ITPR1: variants seen among roughly 807,000 people sequenced by gnomAD.
ITPR1 encodes the protein inositol 1,4,5-trisphosphate-gated calcium channel ITPR1.
A neutral mutation model predicts 318.4 loss-of-function variants in ITPR1; 96 were observed. The observed-to-expected ratio is 0.30, with a 90% CI of 0.26 to 0.36. The LOEUF is 0.36. Among genes scored for constraint, ITPR1 ranks in the 10% least tolerant of loss-of-function variants. ITPR1 has a pLI of 1.00. For missense variants in ITPR1, 2,440 were observed against 3,460.2 expected (o/e 0.71, Z 7.40); for synonymous variants, 1,312 against 1,289.9 (o/e 1.02, Z -0.37).
chr3:4,766,401 T>G (rs904211690), intron 44 of ITPR1, 129 bp from the exon 45 acceptor site: 2 of 693,546 alleles, frequency 2.9e-6, no homozygotes, highest in Non-Finnish European at 4.9e-6. Context: ...GTCCTTAATG[T>G]TGATCTAAAC....
chr3:4,593,791 C>T (rs2090580865), intron 4 of ITPR1, among the ~76,000 whole-genome samples: 1 of 152,074 alleles, frequency 6.6e-6, no homozygotes, highest in Non-Finnish European at 1.5e-5. Context: ...GACATGTTAT[C>T]AAAGACACAC....
At chr3:4,561,702 ATT>A (rs2086692488) in intron 4 of ITPR1, among the ~76,000 whole-genome samples, 1 of 152,140 alleles carries the variant, frequency 6.6e-6, no homozygotes. Context: ...TAATCGTAGC[ATT>A]GGTTTGTAAT....
chr3:4,805,514 A>C (rs1282979075), intron 54 of ITPR1, among the ~76,000 whole-genome samples: 1 of 152,154 alleles, frequency 6.6e-6, no homozygotes, highest in Non-Finnish European at 1.5e-5. Flanking sequence ...ATGGTCCCCA[A>C]AGGAAAATTA....
chr3:4,625,561 A>G (rs1275399895), intron 4 of ITPR1, among the ~76,000 whole-genome samples: 1 of 151,702 alleles, frequency 6.6e-6, no homozygotes, highest in Non-Finnish European at 1.5e-5. Flanking sequence ...TTAATTTTTT[A>G]TTTTTATTTT....
In ITPR1 at chr3:4,846,955, A is replaced by ATACTT. The variant is rs1221886742; in HGVS notation, c.*733_*737dup. The stretch of plus-strand genomic sequence containing the variant: ...AATAAGAGAGCCAAATTAGAGGCTC[A>ATACTT]TACTTTAGCTTGTGAAGAAGATAAT... On this transcript the variant is annotated 3_prime_UTR_variant, in exon 62 of 62. Coordinates refer to ENST00000649015, the MANE Select transcript of ITPR1 (RefSeq NM_001378452.1). 6.5e-5 allele frequency: 10 copies of ATACTT among 152,812 alleles called. No homozygotes were observed. The highest frequency in any genetic ancestry group is 1.7e-4 in the African/African-American group (7 of 41,594). The allele number at this position is 152,812 out of a possible 1,614,324, so 9.5% of individuals were successfully genotyped here.
chr3:4,553,186 G>A (rs1367509211), intron 4 of ITPR1, among the ~76,000 whole-genome samples: 1 of 152,114 alleles, frequency 6.6e-6, no homozygotes, highest in African/African-American at 2.4e-5. Flanking sequence ...TACGGAGAAG[G>A]CATATTAAGC....
chr3:4,784,344 C>T (rs148526792), intron 51 of ITPR1, among the ~76,000 whole-genome samples: 79 of 152,094 alleles, frequency 5.2e-4, no homozygotes, highest in East Asian at 3.1e-3. Flanking sequence ...AAAGCCCAGA[C>T]GTGGGAAGAT....
chr3:4,689,064 T>C (rs1559700074), intron 31 of ITPR1, among the ~76,000 whole-genome samples: 1 of 152,242 alleles, frequency 6.6e-6, no homozygotes, highest in Non-Finnish European at 1.5e-5. Context: ...AAATGTATTG[T>C]AGGTTTTGTA....
At chr3:4,659,614 G>A (rs1303142328) in intron 13 of ITPR1, among the ~76,000 whole-genome samples, 3 of 152,024 alleles carry the variant, frequency 2.0e-5, no homozygotes, top group Admixed American at 6.5e-5. Context: ...AAGCCTGGGA[G>A]GCAGAGGTTG....
intron 39 of ITPR1, among the ~76,000 whole-genome samples, chr3:4,714,329 C>G (rs78554336): frequency 6.6e-6 from 1 of 152,180 alleles, no homozygotes; most frequent in African/African-American, 2.4e-5. Flanking sequence ...GGCCGTTTCC[C>G]TCCTCCCATC....
chr3:4,793,116 T>C (rs2047675307), intron 52 of ITPR1, among the ~76,000 whole-genome samples: 1 of 152,210 alleles, frequency 6.6e-6, no homozygotes, highest in South Asian at 2.1e-4. Context: ...CCTGGATAAA[T>C]ACCTAGTTGA....
chr3:4,497,739 G>A (rs777621361), intron 2 of ITPR1, among the ~76,000 whole-genome samples: 6 of 152,162 alleles, frequency 3.9e-5, no homozygotes, highest in African/African-American at 9.7e-5. Flanking sequence ...AAGTAGGGAC[G>A]TGAGCAGATA....
chr3:4,518,053 A>G (rs2082288095), intron 3 of ITPR1, among the ~76,000 whole-genome samples: 1 of 152,204 alleles, frequency 6.6e-6, no homozygotes, highest in Non-Finnish European at 1.5e-5. Flanking sequence ...CACTTGCCCA[A>G]GATTTCACAG....
rs894718693 is a variant in ITPR1 at position 4,846,790 on chromosome 3, A to G, written c.*565A>G. On this transcript the variant is annotated 3_prime_UTR_variant, in exon 62 of 62. Coordinates refer to ENST00000649015, the MANE Select transcript of ITPR1 (RefSeq NM_001378452.1). ...TCCTCTGGTGATGCTGTTTCTCGTT[A>G]GTGGCAGTAGTGCCTCCGTCTCCTA... 2 of 152,658 alleles carry G rather than the reference A, an allele frequency of 1.3e-5. No individual in the cohort carries two copies. Among genetic ancestry groups the G allele is most frequent in the Admixed American group, 1.3e-4 (2 of 15,280 alleles). The allele number at this position is 152,658 out of a possible 1,614,324, so 9.5% of individuals were successfully genotyped here.
At chr3:4,644,021 G>A in intron 7 of ITPR1, 115 bp from the exon 8 acceptor site, 2 of 685,910 alleles carry the variant, frequency 2.9e-6, no homozygotes, top group South Asian at 3.1e-5. Flanking sequence ...ATACTTGCTG[G>A]GGATAGGCCT....
At chr3:4,601,791 A>C (rs1208852155) in intron 4 of ITPR1, among the ~76,000 whole-genome samples, 2 of 152,254 alleles carry the variant, frequency 1.3e-5, no homozygotes, top group African/African-American at 2.4e-5. Flanking sequence ...CAATACTTTC[A>C]ATTTTTTTTA....
intron 18 of ITPR1, among the ~76,000 whole-genome samples, chr3:4,668,470 T>G (rs2093998713): frequency 6.6e-6 from 1 of 151,774 alleles, no homozygotes; most frequent in South Asian, 2.1e-4. Context: ...TTCATTCCCT[T>G]TTTCTTTTTT....
chr3:4,618,225 CA>C (rs914292557), intron 4 of ITPR1, among the ~76,000 whole-genome samples: 10 of 152,068 alleles, frequency 6.6e-5, no homozygotes, highest in African/African-American at 2.4e-4. Flanking sequence ...AATTTCACCA[CA>C]AAAAAGTCAA....
chr3:4,815,983 TATAC>T (rs1284410587), intron 59 of ITPR1, among the ~76,000 whole-genome samples: 1 of 105,578 alleles, frequency 9.5e-6, no homozygotes, highest in Non-Finnish European at 2.1e-5. Context: ...TCATTTGCTT[TATAC>T]ACACACACAC....
Sources: gnomAD v4.1 joint callset for allele counts (sites outside exome capture counted in the v4.1 genomes callset) on GRCh38, gnomAD v4.1.1 for gene constraint, MANE v1.5 for transcripts, NCBI Gene and HGNC (gene_info 2026-07-23, HGNC 2026-07-21) for gene names.